The following PTPRN2 variants were observed in gnomAD, a reference collection of about 807,000 sequenced individuals.
PTPRN2 encodes the protein receptor-type tyrosine-protein phosphatase N2.
In PTPRN2, 74 loss-of-function variants were observed where a neutral mutation model predicts 118.8. The observed-to-expected ratio is 0.62, with a 90% confidence interval of 0.52 to 0.76. The LOEUF is 0.76. PTPRN2 is among the 30% of genes least tolerant of loss of function. The probability of loss-of-function intolerance (pLI) is 0.00; values close to 1 mark genes in which losing one functional copy is unlikely to be tolerated. For synonymous variants in PTPRN2, 641 were observed against 608.0 expected, an observed-to-expected ratio of 1.05 and a Z score of -0.80; for missense variants, 1,481 against 1,394.4, an observed-to-expected ratio of 1.06 and a Z score of -0.99.
chr7:158,465,780 A>G (rs971594282), intron 2 of PTPRN2, among the ~76,000 whole-genome samples: 1 of 152,168 alleles, frequency 6.6e-6, no homozygotes, highest in African/African-American at 2.4e-5. Flanking sequence ...TACCTGCCAC[A>G]TGTGTGCTGG....
intron 2 of PTPRN2, among the ~76,000 whole-genome samples, chr7:158,411,994 T>G (rs902816511): frequency 3.3e-5 from 5 of 149,440 alleles, no homozygotes; most frequent in Admixed American, 2.0e-4. Flanking sequence ...AGCACCCTCC[T>G]CAGCTGCAGG....
At chr7:158,365,850 C>CACACACACA (rs57276163) in intron 2 of PTPRN2, among the ~76,000 whole-genome samples, 2,039 of 102,532 alleles carry the variant, frequency 0.02, 298 homozygotes, top group East Asian at 0.14. Flanking sequence ...ACACACACAC[C>CACACACACA]CACACACACA....
chr7:157,551,943 C>T (rs1483684884), intron 21 of PTPRN2, among the ~76,000 whole-genome samples: 8 of 148,948 alleles, frequency 5.4e-5, no homozygotes, highest in Admixed American at 5.3e-4. Context: ...ACCCCACAGC[C>T]ACCACACAAC....
intron 2 of PTPRN2, among the ~76,000 whole-genome samples, chr7:158,407,186 G>T (rs536379179): frequency 2.3e-4 from 4 of 17,560 alleles, no homozygotes; most frequent in Non-Finnish European, 5.8e-4. Flanking sequence ...CTGCGTCCTG[G>T]GTCCTGGGTC....
At chr7:158,295,807 A>G (rs1800463167) in intron 3 of PTPRN2, among the ~76,000 whole-genome samples, 1 of 152,038 alleles carries the variant, frequency 6.6e-6, no homozygotes, top group African/African-American at 2.4e-5. Flanking sequence ...TGAGGGTCCA[A>G]GCCCACGGCG....
chr7:157,757,127 C>G (rs1563076947), intron 12 of PTPRN2, among the ~76,000 whole-genome samples: 1 of 152,144 alleles, frequency 6.6e-6, no homozygotes, highest in Non-Finnish European at 1.5e-5. Flanking sequence ...CCCCCACCCC[C>G]TAAAGAGATC....
intron 12 of PTPRN2, among the ~76,000 whole-genome samples, chr7:157,879,720 C>T (rs761414104): frequency 3.3e-5 from 5 of 151,934 alleles, no homozygotes; most frequent in African/African-American, 9.7e-5. Context: ...ATGCCAGAAG[C>T]GACATCTGAT....
intron 14 of PTPRN2, among the ~76,000 whole-genome samples, chr7:157,655,968 G>A (rs1007524862): frequency 1.5e-4 from 23 of 151,616 alleles, no homozygotes; most frequent in Admixed American, 9.9e-4. Flanking sequence ...CCCAAATGAC[G>A]CTTGCTGGCC....
intron 2 of PTPRN2, among the ~76,000 whole-genome samples, chr7:158,329,994 G>A (rs113662101): frequency 7.3e-5 from 11 of 151,064 alleles, no homozygotes; most frequent in Non-Finnish European, 1.3e-4. Context: ...GCTCACGCCC[G>A]CAGACGACAC....
intron 13 of PTPRN2, among the ~76,000 whole-genome samples, chr7:157,657,281 A>T (rs1202023019): frequency 2.6e-5 from 2 of 76,610 alleles, no homozygotes; most frequent in African/African-American, 1.0e-4. Context: ...CCACACACAC[A>T]CCACACACAT....
chr7:157,652,693 C>T (rs2150729141), intron 14 of PTPRN2, among the ~76,000 whole-genome samples: 1 of 152,320 alleles, frequency 6.6e-6, no homozygotes, highest in Non-Finnish European at 1.5e-5. Flanking sequence ...TCCTGAGACA[C>T]CAGCCTCTTC....
At chr7:157,886,501 A>ACAG (rs1352170175) in intron 12 of PTPRN2, among the ~76,000 whole-genome samples, 1 of 152,078 alleles carries the variant, frequency 6.6e-6, no homozygotes, top group Non-Finnish European at 1.5e-5. Context: ...GCCACATCAC[A>ACAG]CAGCACCTCT....
In PTPRN2 at chr7:157,595,526, A is replaced by AG. The variant is rs1563245395; in HGVS notation, c.2419-212dup. On this transcript the variant is annotated intron_variant, in intron 16 of 22. Transcript: ENST00000389418. ...TAGGAAGCCCGGAGGTTAGGAAGCC[A>AG]GAAGGTTAGGAAGCCAGGAGGTTAG... Among the ~76,000 whole-genome samples, 303 of 111,848 alleles carry AG rather than the reference A, an allele frequency of 2.7e-3. 26 individuals carry two copies. Among genetic ancestry groups the AG allele is most frequent in the African/African-American group, 0.012 (280 of 22,832 alleles). The allele number at this position is 111,848 out of a possible 152,430, so 73.4% of individuals were successfully genotyped here.
chr7:157,939,991 C>T (rs1178030864), intron 11 of PTPRN2, among the ~76,000 whole-genome samples: 7 of 152,156 alleles, frequency 4.6e-5, no homozygotes, highest in South Asian at 2.1e-4. Context: ...TGGAAGGTGT[C>T]GCCGCATGGG....
intron 13 of PTPRN2, among the ~76,000 whole-genome samples, chr7:157,663,487 G>A (rs950024792): frequency 4.6e-5 from 7 of 152,242 alleles, no homozygotes; most frequent in African/African-American, 7.2e-5. Context: ...CACGGGGAAC[G>A]GGGTCGGGCC....
chr7:158,200,088 A>C (rs1406376663), intron 4 of PTPRN2, among the ~76,000 whole-genome samples: 2 of 152,156 alleles, frequency 1.3e-5, no homozygotes, highest in East Asian at 3.9e-4. Flanking sequence ...TGAGAAGAAA[A>C]AGCCCCACAG....
intron 11 of PTPRN2, among the ~76,000 whole-genome samples, chr7:157,927,390 G>A (rs1340216105): frequency 1.7e-5 from 2 of 116,404 alleles, no homozygotes; most frequent in South Asian, 2.9e-4. Flanking sequence ...CTGAAGACAG[G>A]AAGCCCCAGG....
At chr7:158,523,704 C>CGTCTGCCCTGGAGCGGA (rs1824475638) in intron 1 of PTPRN2, among the ~76,000 whole-genome samples, 2 of 108,768 alleles carry the variant, frequency 1.8e-5, no homozygotes, top group Non-Finnish European at 3.9e-5. Flanking sequence ...GGAGTGGAGT[C>CGTCTGCCCTGGAGCGGA]GTCTGCCCTG....
chr7:157,890,822 C>A lies in PTPRN2; in HGVS notation c.1788+7851G>T, dbSNP rs555297838. On this transcript the variant is annotated intron_variant, in intron 12 of 22. Transcript: ENST00000389418. Reference sequence around the variant, plus strand: ...AAGTGGTCTGCTTGCCAGCTCTCCACCTCACCTGTTGGCATTTCCCAAATA... The same window carrying A: ...AAGTGGTCTGCTTGCCAGCTCTCCAACTCACCTGTTGGCATTTCCCAAATA... 2.0e-5 allele frequency among the ~76,000 whole-genome samples: 3 copies of A among 152,212 alleles called. No individual in the cohort carries two copies. In the East Asian group the frequency reaches 5.8e-4, roughly 29 times the overall value.
Sources: allele counts gnomAD v4.1 joint callset (sites outside exome capture counted in the v4.1 genomes callset), GRCh38; gene constraint gnomAD v4.1.1; transcripts MANE v1.5; gene names NCBI Gene and HGNC (gene_info 2026-07-23, HGNC 2026-07-21).